The following OCIAD1 variants were observed in gnomAD, a reference collection of about 807,000 sequenced individuals.
The protein encoded by OCIAD1 is OCIA domain containing 1.
In OCIAD1, 29 loss-of-function variants were observed where a neutral mutation model predicts 38.9. The observed-to-expected ratio is 0.74, with a 90% CI of 0.55 to 1.02. The LOEUF is 1.02. Ranked by LOEUF, OCIAD1 falls within the 50% of genes least tolerant of loss-of-function variation. OCIAD1 has a pLI of 0.00. For missense variants in OCIAD1, 288 were observed against 289.6 expected (o/e 0.99, Z 0.04); for synonymous variants, 110 against 92.0 (o/e 1.20, Z -1.12).
At chr4:48,811,078 A>G (rs1777085199) in intron 1 of OCIAD1, among the ~76,000 whole-genome samples, 1 of 151,820 alleles carries the variant, frequency 6.6e-6, no homozygotes, top group South Asian at 2.1e-4. Flanking sequence ...GCTGGTCTCA[A>G]ACTCTTGAGC....
chr4:48,820,070 C>T (rs1243037353), intron 1 of OCIAD1, among the ~76,000 whole-genome samples: 2 of 152,148 alleles, frequency 1.3e-5, no homozygotes, highest in African/African-American at 4.8e-5. Context: ...ATCTACAGAA[C>T]TCTCCAACCC....
At chr4:48,858,324 G>A (rs1263717635) in intron 8 of OCIAD1, among the ~76,000 whole-genome samples, 1 of 152,070 alleles carries the variant, frequency 6.6e-6, no homozygotes, top group African/African-American at 2.4e-5. Context: ...TACATCTATC[G>A]CATAAGTTGC....
upstream of OCIAD1, among the ~76,000 whole-genome samples, chr4:48,828,183 A>C (rs1777269883): frequency 6.6e-6 from 1 of 152,000 alleles, no homozygotes. Context: ...TAAATGCACC[A>C]ATCAGTGCTC....
At chr4:48,836,876 A>C (rs1175959717) in intron 3 of OCIAD1, among the ~76,000 whole-genome samples, 1 of 152,248 alleles carries the variant, frequency 6.6e-6, no homozygotes, top group East Asian at 1.9e-4. Context: ...TGGGAGCAGA[A>C]TAACTGGAAC....
intron 3 of OCIAD1, among the ~76,000 whole-genome samples, chr4:48,842,390 C>T (rs1778614204): frequency 6.6e-6 from 1 of 152,130 alleles, no homozygotes; most frequent in Non-Finnish European, 1.5e-5. Context: ...TATTTGGAAC[C>T]TAAGCCTAGA....
chr4:48,806,571 C>T (rs1777026736), intron 1 of OCIAD1, among the ~76,000 whole-genome samples: 1 of 152,146 alleles, frequency 6.6e-6, no homozygotes, highest in South Asian at 2.1e-4. Flanking sequence ...TGGTTGATAG[C>T]ACAGAATTAT....
upstream of OCIAD1, among the ~76,000 whole-genome samples, chr4:48,830,164 G>A (rs1263165930): frequency 6.6e-6 from 1 of 152,216 alleles, no homozygotes; most frequent in Non-Finnish European, 1.5e-5. Flanking sequence ...GGCACCACCA[G>A]GCCATGATGG....
chr4:48,844,656 T>C (rs1413209628), intron 4 of OCIAD1, among the ~76,000 whole-genome samples: 1 of 151,976 alleles, frequency 6.6e-6, no homozygotes, highest in Non-Finnish European at 1.5e-5. Flanking sequence ...AAGAAAAGAA[T>C]TTGGAATCCA....
Position 48,850,101 on chromosome 4 carries a change from T to C in OCIAD1, c.377+19T>C. ...CACCTGGGTAGGCCAGATTCTGATC[T>C]TTACTTAAGATTTTTAATTTTTAAG... On this transcript the variant is annotated intron_variant, in intron 6 of 8. Transcript: ENST00000264312. The C allele has an allele frequency of 6.2e-7, 1 of 1,604,306 alleles. No homozygotes were observed. The highest frequency in any genetic ancestry group is 2.2e-5 in the East Asian group (1 of 44,630).
intron 4 of OCIAD1, 37 bp from the exon 5 acceptor site, chr4:48,848,362 A>G (rs1371788404): frequency 1.2e-5 from 12 of 1,007,692 alleles, no homozygotes; most frequent in Non-Finnish European, 1.8e-5. Context: ...TCTTTCTGTA[A>G]CAGTGTTACT....
At chr4:48,833,261 A>G (rs1777685931) in intron 2 of OCIAD1, 140 bp from the exon 3 acceptor site, 1 of 603,842 alleles carries the variant, frequency 1.7e-6, no homozygotes, top group Admixed American at 3.4e-5. Context: ...TCAAAAAACA[A>G]AAAAAGTGCA....
chr4:48,833,455 G>C lies in OCIAD1; in HGVS notation c.113G>C (p.Cys38Ser), dbSNP rs1368555960. The change falls in exon 3 of 9, where the codon TGC becomes TCC. Residue 38 changes from cysteine to serine, a missense_variant. Coordinates refer to ENST00000264312, the MANE Select transcript of OCIAD1 (RefSeq NM_017830.4). ...TEEERRVFAE[C>S]NDESFWFRSV... Reference sequence around the variant, plus strand: ...GAAGAAAGGAGAGTCTTCGCAGAATGCAATGATGAAAGCTTCTGGTTCAGA... The same window carrying C: ...GAAGAAAGGAGAGTCTTCGCAGAATCCAATGATGAAAGCTTCTGGTTCAGA... 7.5e-6 allele frequency: 12 copies of C among 1,605,714 alleles called. No homozygotes were observed. Among genetic ancestry groups the C allele is most frequent in the Non-Finnish European group, 1.0e-5 (12 of 1,173,130 alleles).
At chr4:48,811,566 T>C (rs1333063759) in intron 1 of OCIAD1, among the ~76,000 whole-genome samples, 1 of 152,204 alleles carries the variant, frequency 6.6e-6, no homozygotes, top group Non-Finnish European at 1.5e-5. Flanking sequence ...AATTCACCAT[T>C]ACTGAGCCTG....
chr4:48,833,058 C>G (rs1260035712), intron 2 of OCIAD1, among the ~76,000 whole-genome samples: 1 of 151,990 alleles, frequency 6.6e-6, no homozygotes, highest in African/African-American at 2.4e-5. Context: ...CGAGACTAGC[C>G]TGGCTAACAT....
At chr4:48,814,871 T>C (rs1777129559) in intron 1 of OCIAD1, among the ~76,000 whole-genome samples, 1 of 152,228 alleles carries the variant, frequency 6.6e-6, no homozygotes, top group East Asian at 1.9e-4. Flanking sequence ...TTCATATTCA[T>C]ACTGACACAT....
chr4:48,822,610 C>T (rs1203312920), intron 1 of OCIAD1, among the ~76,000 whole-genome samples: 1 of 152,130 alleles, frequency 6.6e-6, no homozygotes, highest in Non-Finnish European at 1.5e-5. Flanking sequence ...AACAGGCAAC[C>T]TACAGAATGG....
chr4:48,859,154 C>T (rs1390553833), intron 8 of OCIAD1, among the ~76,000 whole-genome samples: 5 of 151,970 alleles, frequency 3.3e-5, no homozygotes, highest in Non-Finnish European at 7.4e-5. Flanking sequence ...TAATCATTAG[C>T]GGTTGCTTCG....
chr4:48,809,293 G>A (rs564615076), intron 1 of OCIAD1, among the ~76,000 whole-genome samples: 76 of 152,232 alleles, frequency 5.0e-4, no homozygotes, highest in African/African-American at 1.8e-3. Context: ...AGGCCAAGGT[G>A]GGCGGATCAC....
chr4:48,848,598 C>T, intron 5 of OCIAD1, 152 bp downstream of exon 5: 1 of 415,126 alleles, frequency 2.4e-6, no homozygotes, highest in Non-Finnish European at 4.3e-6. Context: ...AAGTGGATTA[C>T]TTGGATATTT....
Sources: allele counts gnomAD v4.1 joint callset (sites outside exome capture counted in the v4.1 genomes callset), GRCh38; gene constraint gnomAD v4.1.1; transcripts MANE v1.5; gene names NCBI Gene and HGNC (gene_info 2026-07-23, HGNC 2026-07-21).